Variants in COL9A3 observed in about 807,000 individuals in gnomAD.
COL9A3 encodes the protein collagen alpha-3(IX) chain.
In COL9A3, 82 loss-of-function variants were observed where a neutral mutation model predicts 110.2. The ratio of observed to expected loss-of-function variants is 0.74; its 90% CI spans 0.62 to 0.89. The LOEUF is 0.89. Ranked by LOEUF, COL9A3 falls within the 40% of genes least tolerant of loss-of-function variation. The probability of loss-of-function intolerance (pLI) is 0.00; values close to 1 mark genes in which losing one functional copy is unlikely to be tolerated. For synonymous variants in COL9A3, 494 were observed against 403.8 expected, an observed-to-expected ratio of 1.22 and a Z score of -2.68; for missense variants, 1,066 against 981.3, an observed-to-expected ratio of 1.09 and a Z score of -1.15.
chr20:62,829,894 G>A, intron 22 of COL9A3, 75 bp downstream of exon 22: 1 of 1,509,992 alleles, frequency 6.6e-7, no homozygotes, highest in South Asian at 1.2e-5. Context: ...TTCTGAGCAG[G>A]CCGGGGTGGC....
Position 62,829,392 on chromosome 20 carries a change from CT to C in COL9A3, c.1009-62del, listed in dbSNP as rs928337057. On this transcript the variant is annotated intron_variant, in intron 19 of 31. Transcript: ENST00000649368. ...CTGCACCCTGCCTGCGTGCACGCCC[CT>C]GGGTGCTGCTGCCGGCGTGCAATGT... 1.3e-5 allele frequency: 21 copies of C among 1,606,198 alleles called. No individual in the cohort carries two copies. In the African/African-American group the frequency reaches 2.3e-4, roughly 17 times the overall value.
intron 15 of COL9A3, 31 bp from the exon 16 acceptor site, chr20:62,827,210 C>T (rs1600799048): frequency 6.2e-7 from 1 of 1,612,570 alleles, no homozygotes; most frequent in Non-Finnish European, 8.5e-7. Context: ...ATGGTGTTAA[C>T]TCTGTCCCTG....
intron 21 of COL9A3, 28 bp downstream of exon 21, chr20:62,829,709 T>C (rs1013533107): frequency 6.2e-6 from 10 of 1,601,198 alleles, no homozygotes; most frequent in Non-Finnish European, 7.7e-6. Flanking sequence ...CCCAGACCCC[T>C]CCCCATCCAG....
In COL9A3 at chr20:62,840,586, G is replaced by A; in HGVS notation, c.1909G>A (p.Ala637Thr). 6.2e-7 allele frequency: 1 copy of A among 1,612,902 alleles called. No individual in the cohort carries two copies. Among genetic ancestry groups the A allele is most frequent in the Non-Finnish European group, 8.5e-7 (1 of 1,179,910 alleles). ...CACCAGCAAGGACGGCCAGGACGGT[G>A]CTCCCGGCGAGCCTGGGCCTCCCGG... is the stretch of plus-strand genomic sequence containing the variant. ...PGTSKDGQDG[A>T]PGEPGPPGDP... Residue 637 changes from alanine to threonine, a missense_variant, in exon 32 of 32, where the codon GCT (alanine) becomes ACT (threonine). Coordinates refer to ENST00000649368, the MANE Select transcript of COL9A3 (RefSeq NM_001853.4).
intron 17 of COL9A3, 68 bp downstream of exon 17, chr20:62,828,044 C>A: frequency 1.3e-6 from 2 of 1,534,992 alleles, no homozygotes; most frequent in East Asian, 2.3e-5. Flanking sequence ...GTGGAGATGG[C>A]ATTCAGAAGG....
In COL9A3 at chr20:62,829,487, G is replaced by A. The variant is rs2063578765; in HGVS notation, c.1041G>A (p.Glu347=). The A allele has an allele frequency of 1.2e-6, 2 of 1,612,400 alleles. No homozygotes were observed. Among genetic ancestry groups the A allele is most frequent in the Non-Finnish European group, 8.5e-7 (1 of 1,179,678 alleles). Residue 347 remains glutamate, a synonymous_variant, in exon 20 of 32, where the codon GAG becomes GAA. Coordinates refer to ENST00000649368, the MANE Select transcript of COL9A3 (RefSeq NM_001853.4). ...GLPGRAGSKG[E]KGERGRAGEL... ...CTGGACGAGCGGGGTCCAAAGGCGA[G>A]AAGGGAGAACGGGTATGTGGCTGCA...
Position 62,828,983 on chromosome 20 carries a change from G to A in COL9A3, c.1008+7G>A. On this transcript the variant is annotated splice_region_variant and intron_variant, in intron 19 of 31. Transcript: ENST00000649368. ...GGGCCCCAACGGGCTGCCGGTGAGT[G>A]CCCGGCGGGTGGGGCCAGCCTGGGG... The A allele has an allele frequency of 6.2e-7, 1 of 1,600,536 alleles. No homozygotes were observed. The highest frequency in any genetic ancestry group is 8.5e-7 in the Non-Finnish European group (1 of 1,175,602).
At chr20:62,831,756 A>AT (rs1017837609) in intron 24 of COL9A3, 9 of 280,356 alleles carry the variant, frequency 3.2e-5, no homozygotes, top group African/African-American at 1.3e-4. Flanking sequence ...GCAAATGGAC[A>AT]TTTTTTAAAG....
At chr20:62,838,841 G>C in intron 31 of COL9A3, 80 bp downstream of exon 31, 1 of 1,144,786 alleles carries the variant, frequency 8.7e-7, no homozygotes, top group Non-Finnish European at 1.3e-6. Flanking sequence ...GCGTGCTTGG[G>C]TTATGAATGG....
rs140963282 is a variant in COL9A3 at position 62,829,818 on chromosome 20, C to T, written c.1160C>T (p.Ala387Val). 3.9e-5 allele frequency: 61 copies of T among 1,568,272 alleles called. No homozygotes were observed. The highest frequency in any genetic ancestry group is 9.3e-5 in the East Asian group (4 of 42,812). The change falls in exon 22 of 32, where the codon GCG becomes GTG. Residue 387 changes from alanine to valine, a missense_variant and splice_region_variant. Ala to Val is a moderately conservative substitution (Grantham distance 64, BLOSUM62 0). Transcript: ENST00000649368. ...GGTGAGGCTGGCCACCGGGGCTCAG[C>T]GGTGAGTGCAGGGACATGGCCCGGG... ...ERGEAGHRGS[A>V]GALGPQGPPG...
chr20:62,840,097 C>G (rs988918256), intron 31 of COL9A3, among the ~76,000 whole-genome samples: 1 of 152,096 alleles, frequency 6.6e-6, no homozygotes, highest in Admixed American at 6.5e-5. Context: ...GACTTTGTCA[C>G]CTCATCTCAG....
At chr20:62,829,954 G>A in intron 22 of COL9A3, 135 bp downstream of exon 22, 1 of 1,220,526 alleles carries the variant, frequency 8.2e-7, no homozygotes, top group Non-Finnish European at 1.1e-6. Context: ...GATGCCAGGA[G>A]GTGTGGGGCC....
At chr20:62,829,604 C>T (rs761732876) in intron 20 of COL9A3, 24 bp from the exon 21 acceptor site, 1 of 1,610,038 alleles carries the variant, frequency 6.2e-7, no homozygotes. Flanking sequence ...TAGGCAGGCA[C>T]TCACAGCTCT....
chr20:62,830,290 G>T, intron 22 of COL9A3, 70 bp from the exon 23 acceptor site: 1 of 1,521,726 alleles, frequency 6.6e-7, no homozygotes, highest in African/African-American at 1.4e-5. Context: ...GCTGAGCCAG[G>T]CTCCCTGGGG....
chr20:62,825,947 C>A (rs1233055163), intron 13 of COL9A3, 77 bp downstream of exon 13: 32 of 1,454,832 alleles, frequency 2.2e-5, no homozygotes, highest in Non-Finnish European at 2.8e-5. Context: ...CATATCTACC[C>A]CCGAGGGGGC....
At chr20:62,839,485 C>G (rs541543830) in intron 31 of COL9A3, among the ~76,000 whole-genome samples, 3 of 152,324 alleles carry the variant, frequency 2.0e-5, no homozygotes, top group South Asian at 2.1e-4. Context: ...AGCCTGGTGC[C>G]TTCTCAAAAC....
At chr20:62,836,937 C>A in intron 29 of COL9A3, 146 bp from the exon 30 acceptor site, 2 of 1,097,498 alleles carry the variant, frequency 1.8e-6, no homozygotes, top group Non-Finnish European at 2.8e-6. Flanking sequence ...GCATTCATCA[C>A]CCCAAAGCAG....
At chr20:62,837,001 G>C in intron 29 of COL9A3, 82 bp from the exon 30 acceptor site, 1 of 1,531,006 alleles carries the variant, frequency 6.5e-7, no homozygotes, top group South Asian at 1.1e-5. Flanking sequence ...AGACAGCACC[G>C]TGTAGATATT....
chr20:62,829,562 G>C, intron 20 of COL9A3, 63 bp downstream of exon 20: 1 of 1,561,600 alleles, frequency 6.4e-7, no homozygotes, highest in Non-Finnish European at 8.6e-7. Context: ...GCAAGGGGCT[G>C]GGGGGCCAGC....
Sources: allele counts gnomAD v4.1 joint callset (sites outside exome capture counted in the v4.1 genomes callset), GRCh38; gene constraint gnomAD v4.1.1; transcripts MANE v1.5; gene names NCBI Gene and HGNC (gene_info 2026-07-23, HGNC 2026-07-21).